Variants in DCC observed in about 807,000 individuals in gnomAD.
DCC encodes the protein DCC netrin 1 receptor, also known as netrin receptor DCC.
In DCC, 58 loss-of-function variants were observed where a neutral mutation model predicts 172.5. The ratio of observed to expected loss-of-function variants is 0.34; its 90% CI spans 0.27 to 0.42. DCC has a LOEUF of 0.42. DCC is among the 10% of genes least tolerant of loss of function. DCC has a pLI of 1.00. For missense variants in DCC, 1,740 were observed against 1,791.0 expected (o/e 0.97, Z 0.51); for synonymous variants, 709 against 644.5 (o/e 1.10, Z -1.52).
At chr18:53,140,351 C>T (rs899882121) in intron 7 of DCC, among the ~76,000 whole-genome samples, 1 of 152,094 alleles carries the variant, frequency 6.6e-6, no homozygotes, top group Admixed American at 6.5e-5. Context: ...TGAATTCTTT[C>T]GCAGAAATTA....
chr18:52,900,030 G>A (rs2063701573), intron 2 of DCC, among the ~76,000 whole-genome samples: 1 of 152,162 alleles, frequency 6.6e-6, no homozygotes, highest in Non-Finnish European at 1.5e-5. Context: ...CTGGACGATG[G>A]CTAGCAAATA....
Position 53,531,505 on chromosome 18 carries a change from A to T in DCC, c.*852A>T, listed in dbSNP as rs1348861374. The T allele has an allele frequency of 6.6e-6, 1 of 152,616 alleles. No individual in the cohort carries two copies. Among genetic ancestry groups the T allele is most frequent in the African/African-American group, 2.4e-5 (1 of 41,408 alleles). The allele number at this position is 152,616 out of a possible 1,614,324, so 9.5% of individuals were successfully genotyped here. On this transcript the variant is annotated 3_prime_UTR_variant, in exon 29 of 29. Coordinates refer to ENST00000442544, the MANE Select transcript of DCC (RefSeq NM_005215.4). ...CATACCACACTGTGATACAATTTCA[A>T]AGCTTCACTAAGGCCATCTTCCTTA...
Position 52,692,688 on chromosome 18 carries a change from T to C in DCC, c.92-59366T>C, listed in dbSNP as rs117418768. Among the ~76,000 whole-genome samples the C allele has an allele frequency of 1.8e-3, 272 of 152,244 alleles. 1 individual carries two copies. In the East Asian group the frequency reaches 0.035, roughly 20 times the overall value. On this transcript the variant is annotated intron_variant, in intron 1 of 28. Coordinates refer to ENST00000442544, the MANE Select transcript of DCC (RefSeq NM_005215.4). ...CTCAAGTGATCCTCCTGCCTTGGTC[T>C]CCCAAAGAATTGGGATTAGCAGCGT...
chr18:52,456,958 T>A lies in DCC; in HGVS notation c.91+116080T>A, dbSNP rs548591804. On this transcript the variant is annotated intron_variant, in intron 1 of 28. Coordinates refer to ENST00000442544, the MANE Select transcript of DCC (RefSeq NM_005215.4). ...TTCATTTTTCATACTTGTTTTTTTT[T>A]TAAAAAAATAGTATTTCCACTCTGG... Among the ~76,000 whole-genome samples the A allele has an allele frequency of 1.1e-3, 173 of 152,226 alleles. 1 individual carries two copies. The highest frequency in any genetic ancestry group is 3.9e-3 in the African/African-American group (161 of 41,532).
intron 2 of DCC, among the ~76,000 whole-genome samples, chr18:52,793,648 A>T (rs1194506560): frequency 6.6e-6 from 1 of 152,142 alleles, no homozygotes; most frequent in Non-Finnish European, 1.5e-5. Context: ...AGCTTAATGT[A>T]GTCTCATGTA....
intron 5 of DCC, among the ~76,000 whole-genome samples, chr18:53,050,944 T>C (rs997945303): frequency 1.3e-5 from 2 of 152,120 alleles, no homozygotes; most frequent in African/African-American, 4.8e-5. Context: ...AACAAAAACT[T>C]TCAGACCAGG....
At chr18:53,475,340 G>A (rs1341827212) in intron 25 of DCC, among the ~76,000 whole-genome samples, 1 of 152,194 alleles carries the variant, frequency 6.6e-6, no homozygotes, top group Non-Finnish European at 1.5e-5. Flanking sequence ...TGTTTCCAGG[G>A]CATGTCAGAA....
intron 27 of DCC, among the ~76,000 whole-genome samples, chr18:53,516,644 A>AACAG (rs2046337211): frequency 6.6e-6 from 1 of 151,170 alleles, no homozygotes; most frequent in Non-Finnish European, 1.5e-5. Context: ...AAAGCACATG[A>AACAG]ACAGACACTT....
chr18:53,386,170 A>C (rs1599093075), intron 16 of DCC, 32 bp downstream of exon 16: 2 of 1,369,652 alleles, frequency 1.5e-6, no homozygotes, highest in Non-Finnish European at 1.0e-6. Flanking sequence ...CCTCTGACAA[A>C]GTATATTTGA....
intron 1 of DCC, among the ~76,000 whole-genome samples, chr18:52,561,387 A>G (rs1294611112): frequency 1.4e-5 from 2 of 140,672 alleles, no homozygotes; most frequent in Non-Finnish European, 3.1e-5. Context: ...ACCTGCATAC[A>G]CACACACACA....
At chr18:52,851,672 T>C (rs756378419) in intron 2 of DCC, among the ~76,000 whole-genome samples, 6 of 152,102 alleles carry the variant, frequency 3.9e-5, no homozygotes, top group Non-Finnish European at 5.9e-5. Context: ...AAATGAACAA[T>C]GTCAAGTCTA....
At chr18:52,726,270 C>T (rs963412074) in intron 1 of DCC, among the ~76,000 whole-genome samples, 7 of 152,176 alleles carry the variant, frequency 4.6e-5, no homozygotes, top group African/African-American at 1.4e-4. Context: ...TGCTTGCCTC[C>T]GGAGTCTGCA....
chr18:52,723,726 T>C (rs2036507872), intron 1 of DCC, among the ~76,000 whole-genome samples: 1 of 152,154 alleles, frequency 6.6e-6, no homozygotes, highest in Admixed American at 6.5e-5. Context: ...CCCAGCCAAG[T>C]AGACTAATGC....
intron 24 of DCC, among the ~76,000 whole-genome samples, chr18:53,459,902 G>C (rs1305459447): frequency 6.6e-6 from 1 of 151,682 alleles, no homozygotes; most frequent in Admixed American, 6.6e-5. Context: ...AATCACATCA[G>C]GGCACTTGAA....
chr18:52,741,242 C>A (rs1002100732), intron 1 of DCC, among the ~76,000 whole-genome samples: 1 of 152,170 alleles, frequency 6.6e-6, no homozygotes, highest in African/African-American at 2.4e-5. Flanking sequence ...TGAATATGAT[C>A]ATTTCTCATG....
intron 1 of DCC, among the ~76,000 whole-genome samples, chr18:52,358,717 G>C (rs1254467555): frequency 1.3e-5 from 2 of 152,150 alleles, no homozygotes; most frequent in African/African-American, 4.8e-5. Flanking sequence ...GTTTCTAGGA[G>C]TCCTAAGAGC....
chr18:53,446,030 GGTAGGAGGGTTGCTTGAGGCCA>G (rs1888840449), intron 22 of DCC, among the ~76,000 whole-genome samples: 1 of 148,552 alleles, frequency 6.7e-6, no homozygotes. Context: ...GGGAGGCTGA[GGTAGGAGGGTTGCTTGAGGCCA>G]GGAGTTTGAG....
At chr18:53,003,759 A>C (rs916979098) in intron 5 of DCC, among the ~76,000 whole-genome samples, 4 of 152,052 alleles carry the variant, frequency 2.6e-5, no homozygotes, top group African/African-American at 9.7e-5. Context: ...TCTCAAAAAC[A>C]AGTTTTTCAT....
intron 5 of DCC, among the ~76,000 whole-genome samples, chr18:52,964,710 T>C (rs1214377183): frequency 6.6e-6 from 1 of 151,952 alleles, no homozygotes; most frequent in South Asian, 2.1e-4. Flanking sequence ...CTATTACTGC[T>C]GTTTTAAAAA....
Sources: allele counts gnomAD v4.1 joint callset (sites outside exome capture counted in the v4.1 genomes callset), GRCh38; gene constraint gnomAD v4.1.1; transcripts MANE v1.5; gene names NCBI Gene and HGNC (gene_info 2026-07-23, HGNC 2026-07-21).